The following ARMH4 variants were observed in gnomAD, a reference collection of about 807,000 sequenced individuals.
ARMH4 encodes the protein armadillo like helical domain containing 4.
In ARMH4, 49 loss-of-function variants were observed where a neutral mutation model predicts 61.9. The observed-to-expected ratio is 0.79, with a 90% confidence interval of 0.63 to 1.00. The LOEUF (loss-of-function observed/expected upper bound fraction) is 1.00. Among genes scored for constraint, ARMH4 ranks in the 50% least tolerant of loss-of-function variants. The probability of loss-of-function intolerance (pLI) is 0.00; values close to 1 mark genes in which losing one functional copy is unlikely to be tolerated. For synonymous variants in ARMH4, 368 were observed against 341.5 expected, an observed-to-expected ratio of 1.08 and a Z score of -0.85; for missense variants, 934 against 930.0, an observed-to-expected ratio of 1.00 and a Z score of -0.06.
At chr14:58,123,660 C>T (rs1198697026) in intron 4 of ARMH4, among the ~76,000 whole-genome samples, 2 of 152,094 alleles carry the variant, frequency 1.3e-5, no homozygotes, top group Admixed American at 6.5e-5. Context: ...TTTCAGCATC[C>T]CTGTACATCC....
chr14:58,060,736 CA>C (rs1465119405), intron 5 of ARMH4, among the ~76,000 whole-genome samples: 2 of 152,146 alleles, frequency 1.3e-5, no homozygotes, highest in Non-Finnish European at 2.9e-5. Context: ...TCTTCAGAAG[CA>C]ATGAAAACCA....
At chr14:58,078,319 G>A (rs1302049843) in intron 5 of ARMH4, among the ~76,000 whole-genome samples, 2 of 152,160 alleles carry the variant, frequency 1.3e-5, no homozygotes, top group Non-Finnish European at 2.9e-5. Flanking sequence ...CCAAGACCTA[G>A]GAGTCATCAC....
chr14:58,113,556 C>T (rs902157831), intron 4 of ARMH4, among the ~76,000 whole-genome samples: 1 of 152,038 alleles, frequency 6.6e-6, no homozygotes, highest in African/African-American at 2.4e-5. Flanking sequence ...AATTTTCAGC[C>T]ATTACCACTA....
chr14:58,014,421 A>T (rs374797141), intron 5 of ARMH4, among the ~76,000 whole-genome samples: 1 of 152,270 alleles, frequency 6.6e-6, no homozygotes, highest in South Asian at 2.1e-4. Context: ...TGATTCACTG[A>T]GTGAATCTGG....
At chr14:58,125,445 T>C (rs1362653466) in intron 4 of ARMH4, among the ~76,000 whole-genome samples, 1 of 152,208 alleles carries the variant, frequency 6.6e-6, no homozygotes, top group African/African-American at 2.4e-5. Context: ...CCAGGCCTTT[T>C]CAAAACTATC....
intron 5 of ARMH4, among the ~76,000 whole-genome samples, chr14:58,085,898 G>A (rs1057165801): frequency 3.3e-5 from 5 of 152,058 alleles, no homozygotes; most frequent in Admixed American, 1.3e-4. Context: ...TTTCAAACCA[G>A]GAACCTAAAA....
At chr14:58,148,113 G>A (rs926215457) in intron 1 of ARMH4, among the ~76,000 whole-genome samples, 4 of 152,102 alleles carry the variant, frequency 2.6e-5, no homozygotes, top group Non-Finnish European at 5.9e-5. Context: ...GCAGTGGCAT[G>A]ATCTCGGCTC....
At chr14:58,144,392 A>T (rs1188648919) in intron 1 of ARMH4, among the ~76,000 whole-genome samples, 1 of 152,048 alleles carries the variant, frequency 6.6e-6, no homozygotes, top group African/African-American at 2.4e-5. Context: ...GGCAAATCTC[A>T]TCTCTACAAA....
intron 5 of ARMH4, among the ~76,000 whole-genome samples, chr14:58,071,058 C>T (rs1884868007): frequency 4.6e-5 from 7 of 151,734 alleles, no homozygotes; most frequent in Admixed American, 3.3e-4. Context: ...AGCCTTGAGG[C>T]CATACCTTTT....
chr14:58,030,244 C>G (rs1883180836), intron 5 of ARMH4, among the ~76,000 whole-genome samples: 1 of 152,140 alleles, frequency 6.6e-6, no homozygotes, highest in Non-Finnish European at 1.5e-5. Context: ...CCTCAGTGCC[C>G]ATGTGATACC....
intron 5 of ARMH4, among the ~76,000 whole-genome samples, chr14:58,076,088 G>A (rs949809578): frequency 3.3e-4 from 47 of 141,768 alleles, no homozygotes; most frequent in Middle Eastern, 6.9e-3. Context: ...GAAAGAGGAG[G>A]AAGGGGAGGG....
intron 4 of ARMH4, among the ~76,000 whole-genome samples, chr14:58,111,057 AT>A (rs1886339290): frequency 6.6e-6 from 1 of 152,104 alleles, no homozygotes; most frequent in Non-Finnish European, 1.5e-5. Flanking sequence ...CCCAGCCAGG[AT>A]TTTTTTAATG....
At chr14:58,031,044 A>G (rs1883211723) in intron 5 of ARMH4, among the ~76,000 whole-genome samples, 1 of 152,204 alleles carries the variant, frequency 6.6e-6, no homozygotes, top group Non-Finnish European at 1.5e-5. Flanking sequence ...TTAGAAGAGG[A>G]ATTCAATAAT....
At chr14:58,117,230 C>T (rs577692774) in intron 4 of ARMH4, among the ~76,000 whole-genome samples, 4 of 152,286 alleles carry the variant, frequency 2.6e-5, no homozygotes, top group African/African-American at 9.6e-5. Context: ...TAAAGAGAAA[C>T]ACAAAGCTAT....
intron 3 of ARMH4, among the ~76,000 whole-genome samples, chr14:58,132,226 A>G (rs1887133447): frequency 1.3e-5 from 2 of 152,352 alleles, no homozygotes; most frequent in Non-Finnish European, 1.5e-5. Context: ...TAGCTTTCAC[A>G]TAGATTTGAA....
chr14:58,146,393 T>C (rs1887732420), intron 1 of ARMH4, among the ~76,000 whole-genome samples: 1 of 152,232 alleles, frequency 6.6e-6, no homozygotes, highest in Admixed American at 6.5e-5. Context: ...TCCATGCAAA[T>C]TAATTCAGAT....
chr14:58,030,790 A>C (rs11158194), intron 5 of ARMH4, among the ~76,000 whole-genome samples: 83,828 of 151,564 alleles, frequency 0.55, 23,485 homozygotes, highest in East Asian at 0.67. Context: ...TTCAGAACTA[A>C]CTTCCTTTTT....
chr14:58,008,204 T>A (rs1882256009), intron 6 of ARMH4, among the ~76,000 whole-genome samples: 1 of 152,106 alleles, frequency 6.6e-6, no homozygotes, highest in Non-Finnish European at 1.5e-5. Flanking sequence ...CTGAAATATA[T>A]AAGGGTAAAC....
At chr14:58,075,301 C>T (rs1017158080) in intron 5 of ARMH4, among the ~76,000 whole-genome samples, 3 of 152,166 alleles carry the variant, frequency 2.0e-5, no homozygotes, top group African/African-American at 7.2e-5. Context: ...AAGACTCATG[C>T]ACACATATGT....
Sources: allele counts gnomAD v4.1 joint callset (sites outside exome capture counted in the v4.1 genomes callset), GRCh38; gene constraint gnomAD v4.1.1; transcripts MANE v1.5; gene names NCBI Gene and HGNC (gene_info 2026-07-23, HGNC 2026-07-21).